Variants in EYS observed in about 807,000 individuals in gnomAD.
EYS encodes protein eyes shut homolog.
EYS carries 250 observed loss-of-function variants against 282.1 expected under a neutral mutation model. That is an observed-to-expected ratio of 0.89 (90% confidence interval 0.80 to 0.98). EYS has a LOEUF of 0.98. Ranked by LOEUF, EYS falls within the 50% of genes least tolerant of loss-of-function variation. The pLI, the probability that EYS is intolerant of heterozygous loss-of-function variation, is 0.00. For synonymous variants in EYS, 1,355 were observed against 1,282.9 expected, an observed-to-expected ratio of 1.06 and a Z score of -1.20; for missense variants, 4,016 against 3,709.0, an observed-to-expected ratio of 1.08 and a Z score of -2.15.
At chr6:64,463,684 T>C (rs1444686188) in intron 26 of EYS, among the ~76,000 whole-genome samples, 3 of 152,194 alleles carry the variant, frequency 2.0e-5, no homozygotes, top group Non-Finnish European at 4.4e-5. Context: ...CATGTCACTA[T>C]GAATGTAAAG....
chr6:64,490,606 A>G (rs1776707622), intron 26 of EYS, among the ~76,000 whole-genome samples: 1 of 150,936 alleles, frequency 6.6e-6, no homozygotes, highest in African/African-American at 2.4e-5. Context: ...GTCAGATTAC[A>G]AGGAATAATA....
At chr6:63,863,668 CTTTTTTCTTTTT>C (rs1323752176) in intron 36 of EYS, among the ~76,000 whole-genome samples, 63 of 69,324 alleles carry the variant, frequency 9.1e-4, no homozygotes, top group Admixed American at 2.0e-3. Context: ...CTTTTCTTTT[CTTTTTTCTTTTT>C]TTTTTTTTTT....
At chr6:64,997,728 C>A (rs1053134809) in intron 13 of EYS, 25 bp from the exon 14 acceptor site, 1 of 1,548,410 alleles carries the variant, frequency 6.5e-7, no homozygotes, top group South Asian at 1.2e-5. Flanking sequence ...AAAGAGAAAA[C>A]TCTTAACATT....
rs112924148 is a variant in EYS at position 64,498,975 on chromosome 6, C to T, written c.5645-59623G>A. On this transcript the variant is annotated intron_variant, in intron 26 of 42. Coordinates refer to ENST00000503581, the MANE Select transcript of EYS (RefSeq NM_001142800.2). The stretch of plus-strand genomic sequence containing the variant: ...GATTTATAATCCTTTGGGTATATAC[C>T]CAGTAATAAGATTGTTGGGCGAAAT... 3.8e-3 allele frequency among the ~76,000 whole-genome samples: 571 copies of T among 151,934 alleles called. 3 individuals are homozygous for T. Among genetic ancestry groups the T allele is most frequent in the African/African-American group, 0.013 (545 of 41,418 alleles).
At chr6:65,098,071 A>T (rs12209846) in intron 12 of EYS, among the ~76,000 whole-genome samples, 1 of 150,624 alleles carries the variant, frequency 6.6e-6, no homozygotes, top group East Asian at 1.9e-4. Context: ...TCCTACCAAT[A>T]TGTAGGGACA....
chr6:64,147,352 A>G (rs1774553724), intron 31 of EYS, among the ~76,000 whole-genome samples: 1 of 152,178 alleles, frequency 6.6e-6, no homozygotes, highest in Non-Finnish European at 1.5e-5. Flanking sequence ...CCCAAATAAA[A>G]TGTAGTTACC....
chr6:63,824,064 A>G (rs1771392580), intron 36 of EYS, among the ~76,000 whole-genome samples: 2 of 152,194 alleles, frequency 1.3e-5, no homozygotes, highest in Non-Finnish European at 2.9e-5. Context: ...AGTGACAGCT[A>G]GATTGGAGTT....
intron 35 of EYS, among the ~76,000 whole-genome samples, chr6:63,895,933 T>C (rs927238597): frequency 9.7e-6 from 1 of 102,696 alleles, no homozygotes; most frequent in Non-Finnish European, 2.1e-5. Context: ...TTTTTTTTTT[T>C]CAGAAAGCTT....
intron 23 of EYS, among the ~76,000 whole-genome samples, chr6:64,624,782 C>A (rs927521283): frequency 6.6e-6 from 1 of 152,114 alleles, no homozygotes; most frequent in Non-Finnish European, 1.5e-5. Context: ...GCTATTATTT[C>A]CGTGGTGGGC....
At chr6:64,295,847 C>T (rs1768960234) in intron 30 of EYS, among the ~76,000 whole-genome samples, 1 of 152,056 alleles carries the variant, frequency 6.6e-6, no homozygotes, top group Non-Finnish European at 1.5e-5. Flanking sequence ...AGTCATCCAC[C>T]ATGGTCAGAA....
intron 35 of EYS, among the ~76,000 whole-genome samples, chr6:63,950,705 C>T (rs994910405): frequency 6.6e-6 from 1 of 152,144 alleles, no homozygotes; most frequent in African/African-American, 2.4e-5. Context: ...CTCAGACCAA[C>T]CAGCCCAAGG....
intron 26 of EYS, among the ~76,000 whole-genome samples, chr6:64,451,000 C>A (rs996240059): frequency 1.3e-5 from 2 of 152,024 alleles, no homozygotes; most frequent in African/African-American, 4.8e-5. Flanking sequence ...CAAGAAATAA[C>A]TAAGATCGAG....
intron 12 of EYS, among the ~76,000 whole-genome samples, chr6:65,119,970 C>A (rs1958922): frequency 6.0e-5 from 9 of 150,916 alleles, no homozygotes; most frequent in South Asian, 2.1e-4. Context: ...ACCTACCCCC[C>A]CTCCCCGTCT....
chr6:64,778,926 A>T, intron 22 of EYS, among the ~76,000 whole-genome samples: 1 of 152,136 alleles, frequency 6.6e-6, no homozygotes, highest in Non-Finnish European at 1.5e-5. Flanking sequence ...TCATCAGAGA[A>T]TTGCAAATTA....
At chr6:64,346,245 A>T (rs971721656) in intron 29 of EYS, among the ~76,000 whole-genome samples, 3 of 152,098 alleles carry the variant, frequency 2.0e-5, no homozygotes, top group Non-Finnish European at 4.4e-5. Context: ...ATAAAGACAC[A>T]TGCATACGTA....
intron 25 of EYS, among the ~76,000 whole-genome samples, 183 bp downstream of exon 25, chr6:64,592,933 TA>T (rs1315974309): frequency 3.3e-5 from 5 of 152,038 alleles, no homozygotes; most frequent in Admixed American, 6.6e-5. Flanking sequence ...GAAATAGTAT[TA>T]GCAAACAACA....
Position 63,788,102 on chromosome 6 carries a change from T to C in EYS, c.7723+3A>G. On this transcript the variant is annotated splice_donor_region_variant and intron_variant, in intron 39 of 42. Coordinates refer to ENST00000503581, the MANE Select transcript of EYS (RefSeq NM_001142800.2). ...TATAATATAAAAAATGTCCATGCCT[T>C]ACCTTGAAAACCATTTTTAAAATCT... 6.5e-7 allele frequency: 1 copy of C among 1,530,868 alleles called. No individual in the cohort carries two copies. The highest frequency in any genetic ancestry group is 2.5e-5 in the East Asian group (1 of 40,564). The allele number at this position is 1,530,868 out of a possible 1,614,324, so 94.8% of individuals were successfully genotyped here.
At chr6:65,445,699 T>C (rs1343485495) in intron 5 of EYS, among the ~76,000 whole-genome samples, 1 of 151,838 alleles carries the variant, frequency 6.6e-6, no homozygotes, top group African/African-American at 2.4e-5. Context: ...GGTATTCTTT[T>C]AAAATATTTG....
At chr6:63,771,642 A>G (rs1769928131) in intron 40 of EYS, among the ~76,000 whole-genome samples, 1 of 152,196 alleles carries the variant, frequency 6.6e-6, no homozygotes. Flanking sequence ...AGGGTCTGGT[A>G]GAAAGTAACT....
Sources: allele counts gnomAD v4.1 joint callset (sites outside exome capture counted in the v4.1 genomes callset), GRCh38; gene constraint gnomAD v4.1.1; transcripts MANE v1.5; gene names NCBI Gene and HGNC (gene_info 2026-07-23, HGNC 2026-07-21).